PTPRT: variants seen among roughly 807,000 people sequenced by gnomAD.
PTPRT encodes protein tyrosine phosphatase receptor type T.
A neutral mutation model predicts 176.8 loss-of-function variants in PTPRT; 56 were observed. That is an observed-to-expected ratio of 0.32 (90% CI 0.26 to 0.40). The LOEUF is 0.40. Ranked by LOEUF, PTPRT falls within the 10% of genes least tolerant of loss-of-function variation. PTPRT has a pLI of 1.00. For synonymous variants in PTPRT, 783 were observed against 739.0 expected (o/e 1.06, Z -0.96); for missense variants, 1,540 against 1,908.2 (o/e 0.81, Z 3.60).
chr20:42,758,270 T>C (rs1483784423), intron 5 of PTPRT, among the ~76,000 whole-genome samples: 3 of 152,180 alleles, frequency 2.0e-5, no homozygotes, highest in South Asian at 2.1e-4. Flanking sequence ...AAGTAAACAG[T>C]TTCCCCATGT....
intron 2 of PTPRT, among the ~76,000 whole-genome samples, chr20:42,825,520 A>G (rs1389945190): frequency 6.6e-6 from 1 of 152,186 alleles, no homozygotes; most frequent in Non-Finnish European, 1.5e-5. Flanking sequence ...TAAAATATAT[A>G]TATACATTTA....
chr20:43,060,004 A>T (rs1600682237), intron 1 of PTPRT, among the ~76,000 whole-genome samples: 1 of 152,024 alleles, frequency 6.6e-6, no homozygotes, highest in Admixed American at 6.6e-5. Flanking sequence ...AAAAAAAAAA[A>T]AATACATTAT....
chr20:42,921,329 G>A (rs527639131), intron 1 of PTPRT, among the ~76,000 whole-genome samples: 4 of 152,188 alleles, frequency 2.6e-5, no homozygotes, highest in Non-Finnish European at 5.9e-5. Flanking sequence ...AGACAAGCCT[G>A]GGCAACATAG....
At chr20:42,730,282 A>G (rs1417229777) in intron 6 of PTPRT, among the ~76,000 whole-genome samples, 1 of 152,194 alleles carries the variant, frequency 6.6e-6, no homozygotes, top group African/African-American at 2.4e-5. Context: ...TGCTAGAAAT[A>G]AGACCACCAA....
At chr20:42,286,865 T>G (rs532962563) in intron 12 of PTPRT, among the ~76,000 whole-genome samples, 1 of 151,910 alleles carries the variant, frequency 6.6e-6, no homozygotes, top group East Asian at 1.9e-4. Flanking sequence ...GAATTAATAT[T>G]CACAACATAC....
intron 29 of PTPRT, among the ~76,000 whole-genome samples, chr20:42,082,315 C>G (rs1983410149): frequency 6.6e-6 from 1 of 152,208 alleles, no homozygotes; most frequent in African/African-American, 2.4e-5. Flanking sequence ...TTTCTTGGTT[C>G]TATGAGCATG....
chr20:42,391,398 T>C (rs2058797997), intron 9 of PTPRT, among the ~76,000 whole-genome samples: 1 of 152,160 alleles, frequency 6.6e-6, no homozygotes, highest in African/African-American at 2.4e-5. Context: ...TCCCCTGATG[T>C]CACAATCTGA....
intron 9 of PTPRT, among the ~76,000 whole-genome samples, chr20:42,370,945 T>C (rs1425920721): frequency 1.3e-5 from 2 of 152,178 alleles, no homozygotes; most frequent in Non-Finnish European, 2.9e-5. Context: ...TGCTGTTCCC[T>C]CACTACAGCA....
chr20:42,351,497 A>C (rs897729729), intron 10 of PTPRT, among the ~76,000 whole-genome samples: 27 of 152,208 alleles, frequency 1.8e-4, no homozygotes, highest in African/African-American at 5.8e-4. Flanking sequence ...TACAAAAAAA[A>C]CATGTTTTTC....
intron 2 of PTPRT, among the ~76,000 whole-genome samples, chr20:42,824,660 TGAA>T (rs886141065): frequency 6.6e-6 from 1 of 151,874 alleles, no homozygotes; most frequent in African/African-American, 2.4e-5. Context: ...GAGTTGAACA[TGAA>T]GAAGAATAAA....
chr20:42,418,364 CAG>C (rs1160804847), intron 9 of PTPRT, among the ~76,000 whole-genome samples: 1 of 152,082 alleles, frequency 6.6e-6, no homozygotes, highest in East Asian at 1.9e-4. Flanking sequence ...TCTAAAATGA[CAG>C]AACTGAGAAT....
intron 9 of PTPRT, among the ~76,000 whole-genome samples, chr20:42,410,213 G>A (rs988325385): frequency 2.6e-5 from 4 of 152,120 alleles, no homozygotes; most frequent in African/African-American, 7.2e-5. Flanking sequence ...GAGGTACTCA[G>A]AAGGAGGAAT....
chr20:42,451,992 T>C (rs2070838735), intron 8 of PTPRT, among the ~76,000 whole-genome samples: 1 of 152,116 alleles, frequency 6.6e-6, no homozygotes, highest in Non-Finnish European at 1.5e-5. Flanking sequence ...AAATAGAGGC[T>C]GGGCTTGGTG....
intron 5 of PTPRT, among the ~76,000 whole-genome samples, chr20:42,765,140 G>A (rs1173598604): frequency 6.6e-6 from 1 of 151,254 alleles, no homozygotes; most frequent in Admixed American, 6.6e-5. Context: ...ACAGAGATCT[G>A]CACAGGGCGT....
intron 7 of PTPRT, among the ~76,000 whole-genome samples, chr20:42,665,004 A>G (rs980492379): frequency 1.3e-5 from 2 of 152,198 alleles, no homozygotes; most frequent in African/African-American, 4.8e-5. Context: ...CCCTAGAAGA[A>G]AACCTAGGCA....
intron 1 of PTPRT, among the ~76,000 whole-genome samples, chr20:43,083,351 T>TACATATATATATATATATATATATATAC (rs1555828987): frequency 3.7e-4 from 42 of 114,284 alleles, no homozygotes; most frequent in African/African-American, 1.4e-3. Flanking sequence ...TATATATATA[T>TACATATATATATATATATATATATATAC]ATATATATAT....
chr20:42,527,087 C>G (rs972723802), intron 7 of PTPRT, among the ~76,000 whole-genome samples: 5 of 151,448 alleles, frequency 3.3e-5, no homozygotes, highest in Non-Finnish European at 7.4e-5. Flanking sequence ...CCTCAGCCTC[C>G]CAAGTGACTG....
downstream of PTPRT, among the ~76,000 whole-genome samples, chr20:42,069,858 G>C (rs1982247268): frequency 6.6e-6 from 1 of 152,124 alleles, no homozygotes; most frequent in African/African-American, 2.4e-5. Context: ...TTAATTTCCA[G>C]GGGGTTATAA....
At chr20:42,826,757 G>A (rs140036212) in intron 2 of PTPRT, among the ~76,000 whole-genome samples, 37 of 152,236 alleles carry the variant, frequency 2.4e-4, no homozygotes, top group African/African-American at 8.4e-4. Context: ...AAGGCACAGG[G>A]TAGCAAGCTG....
Sources: allele counts gnomAD v4.1 joint callset (sites outside exome capture counted in the v4.1 genomes callset), GRCh38; gene constraint gnomAD v4.1.1; transcripts MANE v1.5; gene names NCBI Gene and HGNC (gene_info 2026-07-23, HGNC 2026-07-21).